RSF1: variants seen among roughly 807,000 people sequenced by gnomAD.
RSF1 encodes remodeling and spacing factor 1, also known as HBV pX-associated protein 8.
In RSF1, 13 loss-of-function variants were observed where a neutral mutation model predicts 145.2. That is an observed-to-expected ratio of 0.09 (90% CI 0.06 to 0.14). The LOEUF (loss-of-function observed/expected upper bound fraction) is 0.14, where lower values mean the gene tolerates loss of function less well. Ranked by LOEUF, RSF1 falls within the 10% of genes least tolerant of loss-of-function variation. The probability of loss-of-function intolerance (pLI) is 1.00; values close to 1 mark genes in which losing one functional copy is unlikely to be tolerated. For synonymous variants in RSF1, 577 were observed against 592.6 expected (o/e 0.97, Z 0.38); for missense variants, 1,517 against 1,718.2 (o/e 0.88, Z 2.07).
intron 1 of RSF1, among the ~76,000 whole-genome samples, chr11:77,772,569 T>A (rs924414420): frequency 6.6e-6 from 1 of 152,102 alleles, no homozygotes; most frequent in African/African-American, 2.4e-5. Flanking sequence ...CTATGTTATA[T>A]GTATATTACA....
chr11:77,869,653 C>G, the RSF1 span: 1 of 1,412,052 alleles, frequency 7.1e-7, no homozygotes, highest in South Asian at 1.2e-5. Context: ...TGAATGAATC[C>G]CACAAGAATG....
At chr11:77,788,552 C>CA (rs556873812) in intron 1 of RSF1, among the ~76,000 whole-genome samples, 215 of 129,668 alleles carry the variant, frequency 1.7e-3, no homozygotes, top group African/African-American at 5.4e-3. Flanking sequence ...GAAAACTAAA[C>CA]AAAATGATAC....
the RSF1 span, among the ~76,000 whole-genome samples, chr11:77,840,372 T>C: frequency 2.0e-5 from 3 of 151,804 alleles, no homozygotes; most frequent in African/African-American, 7.2e-5. Context: ...CCACCAAAAA[T>C]ACAAAAATTA....
At chr11:77,810,358 A>G (rs76611960) in intron 1 of RSF1, among the ~76,000 whole-genome samples, 1,922 of 152,306 alleles carry the variant, frequency 0.013, 39 homozygotes, top group African/African-American at 0.043. Context: ...CTACTCTTGA[A>G]TGAAAGAAAT....
intron 5 of RSF1, among the ~76,000 whole-genome samples, chr11:77,709,269 C>T (rs496786): frequency 0.75 from 113,535 of 152,148 alleles, 43,182 homozygotes; most frequent in African/African-American, 0.9. Flanking sequence ...TTTCCTTCCA[C>T]ACCTCCTTAC....
chr11:77,842,561 C>A, the RSF1 span: 1 of 1,614,026 alleles, frequency 6.2e-7, no homozygotes, highest in Non-Finnish European at 8.5e-7. Flanking sequence ...TCTAATACAA[C>A]CTATAAGGAC....
At chr11:77,717,254 G>A (rs1960838224) in intron 5 of RSF1, among the ~76,000 whole-genome samples, 1 of 151,830 alleles carries the variant, frequency 6.6e-6, no homozygotes, top group African/African-American at 2.4e-5. Context: ...TGTCACCCTT[G>A]GGGCCTCCTG....
the RSF1 span, among the ~76,000 whole-genome samples, chr11:77,871,409 C>T: frequency 8.5e-5 from 13 of 152,128 alleles, no homozygotes; most frequent in Admixed American, 2.0e-4. Context: ...AAACTGGTGA[C>T]GGTGCGATAA....
At chr11:77,720,115 C>T (rs1310960317) in intron 5 of RSF1, among the ~76,000 whole-genome samples, 1 of 152,090 alleles carries the variant, frequency 6.6e-6, no homozygotes, top group African/African-American at 2.4e-5. Context: ...TTTATCTTAG[C>T]TTTTTAAAAA....
chr11:77,814,691 C>T (rs535154515), intron 1 of RSF1, among the ~76,000 whole-genome samples: 49 of 152,174 alleles, frequency 3.2e-4, no homozygotes, highest in South Asian at 6.2e-4. Flanking sequence ...GGTGATCCGC[C>T]GCCTGGGCCT....
At chr11:77,746,889 A>G (rs1011056150) in intron 3 of RSF1, 147 bp downstream of exon 3, 5 of 538,150 alleles carry the variant, frequency 9.3e-6, no homozygotes, top group Non-Finnish European at 1.0e-5. Flanking sequence ...AGCACTTTAA[A>G]GAATAGATTG....
Position 77,785,471 on chromosome 11 carries a change from T to C in RSF1, c.188-20782A>G, listed in dbSNP as rs540304927. ...CAGCCGTGGTGGCATACACCTGTAA[T>C]CCCAGCTACTTAGGAGGCTGAGGCA... On this transcript the variant is annotated intron_variant, in intron 1 of 15. Coordinates refer to ENST00000308488, the MANE Select transcript of RSF1 (RefSeq NM_016578.4). 1.4e-3 allele frequency among the ~76,000 whole-genome samples: 216 copies of C among 152,178 alleles called. 1 individual carries two copies. The highest frequency in any genetic ancestry group is 3.5e-3 in the African/African-American group (147 of 41,516).
chr11:77,734,357 G>A lies in RSF1; in HGVS notation c.578+6374C>T. The A allele has an allele frequency of 1.0e-5, 7 of 681,348 alleles. No homozygotes were observed. The South Asian group carries it at 1.2e-4, about 12-fold the overall frequency. 42.2% of individuals were successfully genotyped at this position (681,348 alleles called of 1,614,324 possible). A position where few individuals can be genotyped will look rare whatever the true frequency, so the allele number is the denominator to read the frequency against. The stretch of plus-strand genomic sequence containing the variant: ...ATCTGAAGGAATGGCACAAATCAAA[G>A]AACTTAGGTGGATGTTTTGGTACAA... On this transcript the variant is annotated intron_variant, in intron 4 of 15. Transcript: ENST00000308488.
intron 4 of RSF1, among the ~76,000 whole-genome samples, chr11:77,730,554 C>G (rs1461926910): frequency 6.6e-6 from 1 of 152,136 alleles, no homozygotes; most frequent in African/African-American, 2.4e-5. Flanking sequence ...CCCACCAAAG[C>G]AAGAAGAATC....
chr11:77,695,179 T>C (rs1242970826), intron 7 of RSF1, among the ~76,000 whole-genome samples: 4 of 152,186 alleles, frequency 2.6e-5, no homozygotes, highest in African/African-American at 9.7e-5. Flanking sequence ...AATTTGTGGA[T>C]ATATATTAAA....
At chr11:77,842,387 T>C in the RSF1 span, 6 of 1,205,266 alleles carry the variant, frequency 5.0e-6, no homozygotes, top group Non-Finnish European at 6.9e-6. Flanking sequence ...GCTTCTTAAA[T>C]CATGGAGAAT....
intron 2 of RSF1, among the ~76,000 whole-genome samples, chr11:77,760,833 C>A (rs999285428): frequency 6.6e-6 from 1 of 152,094 alleles, no homozygotes; most frequent in East Asian, 1.9e-4. Flanking sequence ...AGGTACTTTA[C>A]TTTCAGGGTA....
intron 4 of RSF1, among the ~76,000 whole-genome samples, chr11:77,736,574 C>G (rs1470199431): frequency 6.6e-6 from 1 of 152,132 alleles, no homozygotes; most frequent in Non-Finnish European, 1.5e-5. Context: ...TACATTCAAC[C>G]TTTGCAACAA....
intron 3 of RSF1, among the ~76,000 whole-genome samples, chr11:77,742,632 CT>C (rs1286131715): frequency 2.0e-5 from 3 of 152,142 alleles, no homozygotes; most frequent in Non-Finnish European, 4.4e-5. Flanking sequence ...CTTGTCTTGT[CT>C]TTTTGATAAC....
Sources: gnomAD v4.1 joint callset for allele counts (sites outside exome capture counted in the v4.1 genomes callset) on GRCh38, gnomAD v4.1.1 for gene constraint, MANE v1.5 for transcripts, NCBI Gene and HGNC (gene_info 2026-07-23, HGNC 2026-07-21) for gene names.